Variants in TTC32 observed in about 807,000 individuals in gnomAD.
TTC32 encodes tetratricopeptide repeat domain 32.
TTC32 carries 16 observed loss-of-function variants against 15.3 expected under a neutral mutation model. The ratio of observed to expected loss-of-function variants is 1.05; its 90% confidence interval spans 0.71 to 1.59. The LOEUF is 1.59. Among genes scored for constraint, TTC32 ranks in the 40% most tolerant of loss-of-function variants. The pLI, the probability that TTC32 is intolerant of heterozygous loss-of-function variation, is 0.00. For synonymous variants in TTC32, 89 were observed against 67.8 expected (o/e 1.31, Z -1.53); for missense variants, 188 against 181.9 (o/e 1.03, Z -0.19).
In TTC32 at chr2:19,897,073, C is replaced by T; in HGVS notation, c.370G>A (p.Gly124Arg). The change falls in exon 3 of 3, where the codon GGA (glycine) becomes AGA (arginine). Residue 124 changes from glycine to arginine, a missense_variant. By Grantham distance (125) the Gly-to-Arg change is moderately radical. Transcript: ENST00000333610. The part of the protein sequence containing the change: ...DFKKVLDLNP[G>R]FQDATLSLKQ... ...AAGCTCAAAGTAGCATCTTGAAATC[C>T]AGGATTTAAGTCTAAGACCTTCTTG... The T allele has an allele frequency of 6.2e-7, 1 of 1,608,474 alleles. No homozygotes were observed.
intron 1 of TTC32, chr2:19,901,283 T>C (rs1669598691): frequency 3.2e-6 from 1 of 315,068 alleles, no homozygotes; most frequent in Non-Finnish European, 6.3e-6. Context: ...ACTGTGGCCC[T>C]ACGCAGCCGT....
chr2:19,901,405 G>A, intron 1 of TTC32: 1 of 380,012 alleles, frequency 2.6e-6, no homozygotes, highest in South Asian at 2.8e-5. Flanking sequence ...AGGAGAGACG[G>A]CGGGGTGAGA....
intron 1 of TTC32, chr2:19,901,220 G>C (rs1669597462): frequency 2.9e-6 from 1 of 342,692 alleles, no homozygotes; most frequent in African/African-American, 2.2e-5. Context: ...TTTTTCACAA[G>C]TGAAAAACAC....
chr2:19,900,993 G>A, intron 1 of TTC32: 1 of 455,998 alleles, frequency 2.2e-6, no homozygotes, highest in Non-Finnish European at 4.5e-6. Flanking sequence ...ATCCTGACTT[G>A]AACTAACTGC....
At position 19,896,916 on chromosome 2, in the gene TTC32, A is replaced by G. The variant is rs979040129; in HGVS notation, c.*71T>C. 1.3e-5 allele frequency: 18 copies of G among 1,338,628 alleles called. No homozygotes were observed. Among genetic ancestry groups the G allele is most frequent in the Admixed American group, 2.5e-5 (1 of 40,348 alleles). 82.9% of individuals were successfully genotyped at this position (1,338,628 alleles called of 1,614,324 possible). ...CTTAAATATAAATCAAAATAGCTCA[A>G]TATCTAAATTACTGATAACTAGATG... On this transcript the variant is annotated 3_prime_UTR_variant, in exon 3 of 3. Transcript: ENST00000333610.
chr2:19,898,151 C>T (rs1669542055), intron 1 of TTC32, 116 bp from the exon 2 acceptor site: 3 of 936,738 alleles, frequency 3.2e-6, no homozygotes, highest in East Asian at 2.7e-5. Flanking sequence ...AGCATCAACA[C>T]TGAAAATCCA....
rs1203950897 is a variant in TTC32 at position 19,897,105 on chromosome 2, T to C, written c.338A>G (p.Glu113Gly). The change falls in exon 3 of 3, where the codon GAA (glutamate) becomes GGA (glycine). Residue 113 changes from glutamate to glycine, a missense_variant. Coordinates refer to ENST00000333610, the MANE Select transcript of TTC32 (RefSeq NM_001008237.3). ...TAAGTCTAAGACCTTCTTGAAATCT[T>C]CCAAAGCATCATCAAAATATCCTGT... ...YRLGYFDDAL[E>G]DFKKVLDLNP... 1.0e-5 allele frequency: 16 copies of C among 1,600,162 alleles called. No homozygotes were observed. The highest frequency in any genetic ancestry group is 1.8e-5 in the Admixed American group (1 of 56,880).
chr2:19,899,723 A>C (rs1201531776), intron 1 of TTC32, among the ~76,000 whole-genome samples: 1 of 150,812 alleles, frequency 6.6e-6, no homozygotes, highest in Non-Finnish European at 1.5e-5. Context: ...TTTATATATA[A>C]AGTGTGTGTA....
chr2:19,897,994 CT>C lies in TTC32; in HGVS notation c.190del (p.Arg64GlyfsTer22), dbSNP rs1222427867. 6.2e-7 allele frequency: 1 copy of C among 1,606,668 alleles called. No homozygotes were observed. Among genetic ancestry groups the C allele is most frequent in the Non-Finnish European group, 8.5e-7 (1 of 1,174,624 alleles). ...PEDLATAYNN[R>X]GQIKYFRVDF... ...AACCCTGAAGTACTTGATTTGCCCCCTGTTGTTATATGCAGTAGCCAAATCC... is the reference window on the plus strand; with the variant it reads ...AACCCTGAAGTACTTGATTTGCCCCCGTTGTTATATGCAGTAGCCAAATCC... On this transcript the variant is annotated frameshift_variant, in exon 2 of 3. Transcript: ENST00000333610. LOFTEE classifies it high-confidence loss of function.
intron 1 of TTC32, among the ~76,000 whole-genome samples, chr2:19,900,602 T>A (rs888192171): frequency 2.0e-5 from 3 of 152,242 alleles, no homozygotes; most frequent in African/African-American, 4.8e-5. Context: ...ACAAGCCCAG[T>A]CGAGGCAAGA....
intron 1 of TTC32, among the ~76,000 whole-genome samples, chr2:19,899,682 A>T (rs554732979): frequency 2.0e-5 from 3 of 149,292 alleles, no homozygotes; most frequent in African/African-American, 7.3e-5. Flanking sequence ...AATATTTTTT[A>T]TATATATATA....
chr2:19,897,026 T>G lies in TTC32; in HGVS notation c.417A>C (p.Lys139Asn). The G allele has an allele frequency of 6.3e-7, 1 of 1,589,758 alleles. No homozygotes were observed. The highest frequency in any genetic ancestry group is 8.5e-7 in the Non-Finnish European group (1 of 1,169,752). ...CAACATTTCTTCTTTGTTTTTCTTC[T>G]TTGTCTAGAATAGTCTGTTTTAAGC... is the stretch of plus-strand genomic sequence containing the variant. ...TLSLKQTILD[K>N]EEKQRRNVAK... is the part of the protein sequence containing the mutation. Residue 139 changes from lysine (K) to asparagine (N), a missense_variant, in exon 3 of 3, where the codon AAA becomes AAC. By Grantham distance (94) the Lys-to-Asn change is moderately conservative. Transcript: ENST00000333610.
At position 19,897,912 on chromosome 2, in the gene TTC32, A is replaced by C; in HGVS notation, c.273T>G (p.Phe91Leu). ...ACCCTCTGTTGTAATATGGAACTTCAAAATTGGGTTGGACTTCTATGGCAG... is the reference window on the plus strand; with the variant it reads ...ACCCTCTGTTGTAATATGGAACTTCCAAATTGGGTTGGACTTCTATGGCAG... ...YTSAIEVQPN[F>L]EVPYYNRGLI... The change falls in exon 2 of 3, where the codon TTT becomes TTG. Residue 91 changes from phenylalanine to leucine, a missense_variant. Transcript: ENST00000333610. 6.2e-7 allele frequency: 1 copy of C among 1,611,992 alleles called. No homozygotes were observed. Among genetic ancestry groups the C allele is most frequent in the Non-Finnish European group, 8.5e-7 (1 of 1,178,480 alleles).
chr2:19,899,288 T>C (rs1300547916), intron 1 of TTC32, among the ~76,000 whole-genome samples: 2 of 152,202 alleles, frequency 1.3e-5, no homozygotes, highest in Non-Finnish European at 2.9e-5. Context: ...CCACTCCCCT[T>C]CACCTATGTG....
rs77387357 is a variant in TTC32 at position 19,897,724 on chromosome 2, G to A, written c.316+145C>T. ...CTATCAAAAGCCTAAAATAAACTCAGGGACACTTCCTTTGTTCCAAGCTCT... is the reference window on the plus strand; with the variant it reads ...CTATCAAAAGCCTAAAATAAACTCAAGGACACTTCCTTTGTTCCAAGCTCT... On this transcript the variant is annotated intron_variant, in intron 2 of 2. Coordinates refer to ENST00000333610, the MANE Select transcript of TTC32 (RefSeq NM_001008237.3). 9.3e-4 allele frequency: 607 copies of A among 651,206 alleles called. 7 individuals carry two copies. In the African/African-American group the frequency reaches 0.011, roughly 11 times the overall value. 40.3% of individuals were successfully genotyped at this position (651,206 alleles called of 1,614,324 possible).
chr2:19,901,612 G>A, intron 1 of TTC32, 94 bp downstream of exon 1: 1 of 1,492,156 alleles, frequency 6.7e-7, no homozygotes, highest in Non-Finnish European at 9.0e-7. Context: ...GACAAGCGCC[G>A]ACCGTGAGCT....
chr2:19,899,680 TTATATA>T (rs975226469), intron 1 of TTC32, among the ~76,000 whole-genome samples: 8 of 150,136 alleles, frequency 5.3e-5, no homozygotes, highest in East Asian at 1.9e-4. Context: ...AAAATATTTT[TTATATA>T]TATATAAAGT....
At chr2:19,901,652 C>A in intron 1 of TTC32, 54 bp downstream of exon 1, 2 of 1,579,856 alleles carry the variant, frequency 1.3e-6, no homozygotes, top group Non-Finnish European at 1.7e-6. Flanking sequence ...CCCAAACAAC[C>A]CCAACGTCGC....
rs570971563 is a variant in TTC32, at chr2:19,901,514, C to G, written c.149+192G>C. The G allele has an allele frequency of 1.9e-4, 132 of 691,710 alleles. No individual in the cohort carries two copies. In the African/African-American group the frequency reaches 2.1e-3, roughly 11 times the overall value. The allele number at this position is 691,710 out of a possible 1,614,324, so 42.8% of individuals were successfully genotyped here. A position where few individuals can be genotyped will look rare whatever the true frequency, so the allele number is the denominator to read the frequency against. On this transcript the variant is annotated intron_variant, in intron 1 of 2. Transcript: ENST00000333610. Reference sequence around the variant, plus strand: ...GGCTCCTCACGGGTGGGCTTCTCCCCGCGTTCTCCGCCGCCCTCGTCCTAG... The same window carrying G: ...GGCTCCTCACGGGTGGGCTTCTCCCGGCGTTCTCCGCCGCCCTCGTCCTAG...
Sources: allele counts gnomAD v4.1 joint callset (sites outside exome capture counted in the v4.1 genomes callset), GRCh38; gene constraint gnomAD v4.1.1; transcripts MANE v1.5; gene names NCBI Gene and HGNC (gene_info 2026-07-23, HGNC 2026-07-21).